Variants in PKNOX2 observed in about 807,000 individuals in gnomAD.
PKNOX2 encodes PBX/knotted 1 homeobox 2.
PKNOX2 carries 14 observed loss-of-function variants against 53.1 expected under a neutral mutation model. The ratio of observed to expected loss-of-function variants is 0.26; its 90% CI spans 0.17 to 0.41. The LOEUF (loss-of-function observed/expected upper bound fraction) is 0.41. Among genes scored for constraint, PKNOX2 ranks in the 10% least tolerant of loss-of-function variants. The pLI, the probability that PKNOX2 is intolerant of heterozygous loss-of-function variation, is 1.00. For synonymous variants in PKNOX2, 257 were observed against 242.8 expected (o/e 1.06, Z -0.54); for missense variants, 496 against 602.8 (o/e 0.82, Z 1.85).
intron 2 of PKNOX2, among the ~76,000 whole-genome samples, chr11:125,297,174 C>T (rs1337354313): frequency 6.6e-6 from 1 of 152,200 alleles, no homozygotes; most frequent in Non-Finnish European, 1.5e-5. Flanking sequence ...TATTATTCTT[C>T]CCATTATACA....
At chr11:125,368,370 C>T (rs530925485) in intron 5 of PKNOX2, among the ~76,000 whole-genome samples, 2 of 152,320 alleles carry the variant, frequency 1.3e-5, no homozygotes, top group Admixed American at 6.5e-5. Flanking sequence ...TGACCGCACC[C>T]TCTAGAACTT....
intron 2 of PKNOX2, among the ~76,000 whole-genome samples, chr11:125,249,737 C>T (rs1943851627): frequency 6.6e-6 from 1 of 152,114 alleles, no homozygotes; most frequent in Non-Finnish European, 1.5e-5. Flanking sequence ...CTTCTGTGTA[C>T]CAGGTTCTAA....
At chr11:125,303,767 TA>T (rs1026690544) in intron 2 of PKNOX2, among the ~76,000 whole-genome samples, 1 of 151,800 alleles carries the variant, frequency 6.6e-6, no homozygotes, top group African/African-American at 2.4e-5. Context: ...GAAAGTGACA[TA>T]AAAAAAGAGG....
At chr11:125,215,781 T>C (rs985579380) in intron 1 of PKNOX2, among the ~76,000 whole-genome samples, 3 of 152,102 alleles carry the variant, frequency 2.0e-5, no homozygotes, top group Non-Finnish European at 2.9e-5. Flanking sequence ...ACTAACTAAC[T>C]ATTTCCCATT....
In PKNOX2 at chr11:125,411,589, C is replaced by T. The variant is rs781362916; in HGVS notation, c.817-157C>T. The T allele has an allele frequency of 4.6e-6, 5 of 1,086,676 alleles. No homozygotes were observed. In the Admixed American group the frequency reaches 7.9e-5, roughly 17 times the overall value. 67.3% of individuals were successfully genotyped at this position (1,086,676 alleles called of 1,614,324 possible). A position where few individuals can be genotyped will look rare whatever the true frequency, so the allele number is the denominator to read the frequency against. On this transcript the variant is annotated intron_variant, in intron 9 of 12. Coordinates refer to ENST00000298282, the MANE Select transcript of PKNOX2 (RefSeq NM_001382323.2). The stretch of plus-strand genomic sequence containing the variant: ...AGCCTCACCTCCACTCTCTGAGGGG[C>T]TGGCATGGGCTGAGAGGGAAAGGTG...
intron 3 of PKNOX2, among the ~76,000 whole-genome samples, chr11:125,335,967 T>G (rs1044523603): frequency 2.6e-5 from 4 of 152,226 alleles, no homozygotes; most frequent in African/African-American, 9.7e-5. Flanking sequence ...TTACCGGTTT[T>G]GCTGTTTATT....
intron 2 of PKNOX2, among the ~76,000 whole-genome samples, chr11:125,306,454 T>G (rs1948464286): frequency 6.6e-6 from 1 of 152,230 alleles, no homozygotes; most frequent in Non-Finnish European, 1.5e-5. Flanking sequence ...CACTCTGTCC[T>G]TTCTTTCTTT....
intron 2 of PKNOX2, among the ~76,000 whole-genome samples, chr11:125,276,264 A>G (rs909402593): frequency 6.6e-6 from 1 of 152,210 alleles, no homozygotes; most frequent in Admixed American, 6.5e-5. Flanking sequence ...AAGATGGGAA[A>G]GGAGAGACAG....
chr11:125,344,623 C>G (rs186288437), intron 3 of PKNOX2, among the ~76,000 whole-genome samples: 14 of 152,302 alleles, frequency 9.2e-5, no homozygotes, highest in Admixed American at 8.5e-4. Flanking sequence ...CACCACCTCC[C>G]AAGTTGGCTT....
intron 2 of PKNOX2, among the ~76,000 whole-genome samples, chr11:125,263,806 C>A (rs71470628): frequency 0.24 from 36,892 of 151,988 alleles, 5,621 homozygotes; most frequent in Non-Finnish European, 0.34. Flanking sequence ...GACTGGCCAG[C>A]TTGGCCCAGT....
At chr11:125,223,024 C>G (rs1246713954) in intron 1 of PKNOX2, among the ~76,000 whole-genome samples, 2 of 152,134 alleles carry the variant, frequency 1.3e-5, no homozygotes, top group African/African-American at 4.8e-5. Context: ...CTGGGATTTT[C>G]TAGATGGCTA....
At chr11:125,175,241 A>AAGGG (rs1955626617) in intron 1 of PKNOX2, among the ~76,000 whole-genome samples, 1 of 99,920 alleles carries the variant, frequency 1.0e-5, no homozygotes, top group Non-Finnish European at 2.4e-5. Context: ...GGAAGGAAGG[A>AAGGG]AGGAAGGAAA....
chr11:125,201,744 A>G (rs1591479178), intron 1 of PKNOX2, among the ~76,000 whole-genome samples: 1 of 152,192 alleles, frequency 6.6e-6, no homozygotes, highest in African/African-American at 2.4e-5. Flanking sequence ...ATGTGGATCA[A>G]ATTCCTCAGC....
intron 1 of PKNOX2, among the ~76,000 whole-genome samples, chr11:125,192,617 T>C (rs1242862937): frequency 6.6e-6 from 1 of 151,958 alleles, no homozygotes; most frequent in African/African-American, 2.4e-5. Flanking sequence ...CTTTATTGAG[T>C]GTGGGGTGGC....
At chr11:125,282,831 G>A (rs1365295196) in intron 2 of PKNOX2, among the ~76,000 whole-genome samples, 1 of 152,242 alleles carries the variant, frequency 6.6e-6, no homozygotes, top group Non-Finnish European at 1.5e-5. Context: ...AATGTGTACA[G>A]CTGAAGGAAT....
chr11:125,173,644 G>T (rs1360991532), intron 1 of PKNOX2, among the ~76,000 whole-genome samples: 1 of 152,234 alleles, frequency 6.6e-6, no homozygotes, highest in Non-Finnish European at 1.5e-5. Flanking sequence ...TTCAGTCTCA[G>T]GTGGGGCTGG....
chr11:125,198,433 G>A (rs1164928485), intron 1 of PKNOX2, among the ~76,000 whole-genome samples: 1 of 152,186 alleles, frequency 6.6e-6, no homozygotes, highest in Non-Finnish European at 1.5e-5. Flanking sequence ...GAAGGACGGT[G>A]CATGGGGACA....
intron 5 of PKNOX2, among the ~76,000 whole-genome samples, chr11:125,368,709 T>G (rs1313025819): frequency 6.6e-6 from 1 of 152,206 alleles, no homozygotes; most frequent in East Asian, 1.9e-4. Context: ...GAGTCTTGAA[T>G]GTTGCAGAGG....
chr11:125,333,945 G>A (rs1230775924), intron 3 of PKNOX2, among the ~76,000 whole-genome samples: 4 of 152,240 alleles, frequency 2.6e-5, no homozygotes, highest in East Asian at 3.9e-4. Flanking sequence ...TGATCTCCAC[G>A]TGTAAACGAC....
Sources: gnomAD v4.1 joint callset for allele counts (sites outside exome capture counted in the v4.1 genomes callset) on GRCh38, gnomAD v4.1.1 for gene constraint, MANE v1.5 for transcripts, NCBI Gene and HGNC (gene_info 2026-07-23, HGNC 2026-07-21) for gene names.